CERT1: variants seen among roughly 807,000 people sequenced by gnomAD.
The protein encoded by CERT1 is ceramide transporter 1.
CERT1 carries 31 observed loss-of-function variants against 87.9 expected under a neutral mutation model. The ratio of observed to expected loss-of-function variants is 0.35; its 90% CI spans 0.27 to 0.48. The LOEUF is 0.48. Ranked by LOEUF, CERT1 falls within the 20% of genes least tolerant of loss-of-function variation. The pLI is 0.99. For synonymous variants in CERT1, 289 were observed against 250.9 expected (o/e 1.15, Z -1.44); for missense variants, 487 against 758.0 (o/e 0.64, Z 4.20).
chr5:75,414,071 A>G (rs1431329657), intron 7 of CERT1, among the ~76,000 whole-genome samples: 1 of 152,236 alleles, frequency 6.6e-6, no homozygotes, highest in Non-Finnish European at 1.5e-5. Context: ...ATAAAAAAGA[A>G]TAAACTACTA....
intron 7 of CERT1, among the ~76,000 whole-genome samples, chr5:75,411,951 T>C (rs920218862): frequency 4.6e-5 from 7 of 151,952 alleles, no homozygotes; most frequent in African/African-American, 1.7e-4. Flanking sequence ...AAAAAGACTT[T>C]AGTTATGTAT....
intron 3 of CERT1, among the ~76,000 whole-genome samples, chr5:75,457,910 GTGTGTGTGTGTGTGT>G (rs1765060681): frequency 8.4e-6 from 1 of 119,718 alleles, no homozygotes; most frequent in South Asian, 3.2e-4. Flanking sequence ...ATAGGCGCGC[GTGTGTGTGTGTGTGT>G]GGTGTGTGTG....
intron 2 of CERT1, among the ~76,000 whole-genome samples, chr5:75,470,455 A>G (rs900546796): frequency 3.9e-5 from 6 of 152,224 alleles, no homozygotes; most frequent in African/African-American, 1.4e-4. Context: ...CAATGATCCA[A>G]CAATGGTTCA....
At chr5:75,411,951 T>G (rs920218862) in intron 7 of CERT1, among the ~76,000 whole-genome samples, 1 of 151,952 alleles carries the variant, frequency 6.6e-6, no homozygotes. Flanking sequence ...AAAAAGACTT[T>G]AGTTATGTAT....
intron 8 of CERT1, among the ~76,000 whole-genome samples, chr5:75,406,090 C>T (rs1457979743): frequency 6.6e-6 from 1 of 152,208 alleles, no homozygotes; most frequent in Non-Finnish European, 1.5e-5. Context: ...CTTTTCTGAA[C>T]TGCAAATGTG....
rs138226497 is a variant in CERT1, at chr5:75,447,918, G to C, written c.348+11147C>G. ...GCCTCCCCAGTAGATGGGACTACAG[G>C]CATGTGCCATCATGCCCGGCTTGTA... On this transcript the variant is annotated intron_variant, in intron 3 of 16. Coordinates refer to ENST00000643780, the MANE Select transcript of CERT1 (RefSeq NM_001379029.1). 2.1e-3 allele frequency among the ~76,000 whole-genome samples: 315 copies of C among 152,224 alleles called. 1 individual carries two copies. In the East Asian group the frequency reaches 0.027, roughly 13 times the overall value.
At chr5:75,461,408 C>T (rs1354528171) in intron 2 of CERT1, among the ~76,000 whole-genome samples, 1 of 152,196 alleles carries the variant, frequency 6.6e-6, no homozygotes, top group Non-Finnish European at 1.5e-5. Context: ...CCGTCACCCA[C>T]TACATGGAAA....
At chr5:75,480,294 C>A (rs934802386) in intron 2 of CERT1, among the ~76,000 whole-genome samples, 1 of 152,156 alleles carries the variant, frequency 6.6e-6, no homozygotes, top group Non-Finnish European at 1.5e-5. Context: ...AAAACAAAAA[C>A]GATACTTAAA....
chr5:75,460,848 C>G (rs936009140), intron 2 of CERT1, among the ~76,000 whole-genome samples: 2 of 152,136 alleles, frequency 1.3e-5, no homozygotes, highest in African/African-American at 4.8e-5. Flanking sequence ...AATCATGGTT[C>G]TGACTGATTA....
rs558794743 is a variant in CERT1 at position 75,481,982 on chromosome 5, C to T, written c.232-22801G>A. On this transcript the variant is annotated intron_variant, in intron 2 of 16. Transcript: ENST00000643780. ...CCAAAATATATTTTTACAATGTTAC[C>T]GGAATGTTACAGGACCTTACCAGAA... Among the ~76,000 whole-genome samples the T allele has an allele frequency of 3.9e-5, 6 of 152,088 alleles. 1 individual carries two copies. Among genetic ancestry groups the T allele is most frequent in the East Asian group, 1.9e-4 (1 of 5,182 alleles).
At chr5:75,419,456 G>GA in intron 5 of CERT1, 32 bp from the exon 6 acceptor site, 1 of 1,404,468 alleles carries the variant, frequency 7.1e-7, no homozygotes, top group Non-Finnish European at 1.0e-6. Context: ...AAATTAGGAT[G>GA]AAAAGAAATA....
At chr5:75,395,642 A>G (rs956313872) in intron 11 of CERT1, among the ~76,000 whole-genome samples, 1 of 151,528 alleles carries the variant, frequency 6.6e-6, no homozygotes, top group Non-Finnish European at 1.5e-5. Context: ...CGGGCAGATC[A>G]CTTGAGGTCA....
At chr5:75,433,210 T>G (rs1291058348) in intron 3 of CERT1, among the ~76,000 whole-genome samples, 3 of 152,212 alleles carry the variant, frequency 2.0e-5, no homozygotes, top group Non-Finnish European at 4.4e-5. Flanking sequence ...TTAAAATAGT[T>G]TTTTCTAATT....
intron 1 of CERT1, 81 bp from the exon 2 acceptor site, chr5:75,506,197 A>C (rs1767641937): frequency 7.3e-7 from 1 of 1,375,196 alleles, no homozygotes; most frequent in African/African-American, 1.5e-5. Flanking sequence ...GTGAAACAGC[A>C]ATCTAATTTT....
At chr5:75,390,248 A>G (rs2112034893) in intron 11 of CERT1, among the ~76,000 whole-genome samples, 1 of 152,308 alleles carries the variant, frequency 6.6e-6, no homozygotes, top group East Asian at 1.9e-4. Context: ...AAAAAGGTGA[A>G]AAACCTTTCT....
chr5:75,436,255 G>A (rs761602599), intron 3 of CERT1, among the ~76,000 whole-genome samples: 2 of 151,978 alleles, frequency 1.3e-5, no homozygotes, highest in East Asian at 1.9e-4. Flanking sequence ...GGATGGTCTC[G>A]ATCTCCTGAC....
chr5:75,477,434 T>G (rs545727134), intron 2 of CERT1, among the ~76,000 whole-genome samples: 1 of 152,146 alleles, frequency 6.6e-6, no homozygotes, highest in South Asian at 2.1e-4. Flanking sequence ...TGTGTTTCCA[T>G]GAAACTACAT....
chr5:75,393,624 G>T (rs184919651), intron 11 of CERT1, among the ~76,000 whole-genome samples: 16 of 56,374 alleles, frequency 2.8e-4, no homozygotes, highest in East Asian at 1.3e-3. Context: ...AAAAAAAAAA[G>T]AAAGTCTAGA....
rs1018016924 is a variant in CERT1, at chr5:75,423,229, G to A, written c.595+2132C>T. 3.9e-5 allele frequency among the ~76,000 whole-genome samples: 6 copies of A among 152,064 alleles called. No homozygotes were observed. In the South Asian group the frequency reaches 8.3e-4, roughly 21 times the overall value. Reference sequence around the variant, plus strand: ...CACTTTTGTCCTTCTAATACTATACGCTATTGGTATGGACCATTAAGATAA... The same window carrying A: ...CACTTTTGTCCTTCTAATACTATACACTATTGGTATGGACCATTAAGATAA... On this transcript the variant is annotated intron_variant, in intron 5 of 16. Coordinates refer to ENST00000643780, the MANE Select transcript of CERT1 (RefSeq NM_001379029.1).
Sources: allele counts gnomAD v4.1 joint callset (sites outside exome capture counted in the v4.1 genomes callset), GRCh38; gene constraint gnomAD v4.1.1; transcripts MANE v1.5; gene names NCBI Gene and HGNC (gene_info 2026-07-23, HGNC 2026-07-21).